TPRG1: variants seen among roughly 807,000 people sequenced by gnomAD.
The protein encoded by TPRG1 is tumor protein p63 regulated 1.
TPRG1 carries 29 observed loss-of-function variants against 29.3 expected under a neutral mutation model. That is an observed-to-expected ratio of 0.99 (90% CI 0.74 to 1.35). The LOEUF is 1.35. Among genes scored for constraint, TPRG1 ranks in the 40% most tolerant of loss-of-function variants. TPRG1 has a pLI of 0.00. For synonymous variants in TPRG1, 130 were observed against 116.8 expected, an observed-to-expected ratio of 1.11 and a Z score of -0.73; for missense variants, 327 against 335.0, an observed-to-expected ratio of 0.98 and a Z score of 0.19.
upstream of TPRG1, among the ~76,000 whole-genome samples, chr3:189,099,378 C>T (rs1718917118): frequency 6.6e-6 from 1 of 151,922 alleles, no homozygotes; most frequent in Admixed American, 6.6e-5. Context: ...AAATGGCACC[C>T]CTTGGGGAAT....
At chr3:189,232,518 C>T (rs964564773) in intron 3 of TPRG1, among the ~76,000 whole-genome samples, 1 of 152,170 alleles carries the variant, frequency 6.6e-6, no homozygotes, top group East Asian at 1.9e-4. Context: ...TGTCAAGCCT[C>T]GTTACACCAC....
intron 3 of TPRG1, among the ~76,000 whole-genome samples, chr3:189,137,810 G>A (rs1011539936): frequency 1.3e-5 from 2 of 152,120 alleles, no homozygotes; most frequent in African/African-American, 4.8e-5. Context: ...TTGGTTGGTG[G>A]ATGGGTAGAA....
intron 4 of TPRG1, among the ~76,000 whole-genome samples, chr3:189,243,469 C>T (rs1440325790): frequency 6.6e-6 from 1 of 152,188 alleles, no homozygotes; most frequent in Non-Finnish European, 1.5e-5. Flanking sequence ...TCCCTATTGT[C>T]CTGGCTATGA....
At chr3:189,114,188 C>G (rs1048239050) in intron 1 of TPRG1, among the ~76,000 whole-genome samples, 21 of 152,152 alleles carry the variant, frequency 1.4e-4, no homozygotes, top group African/African-American at 4.6e-4. Context: ...GTCTCCAGCT[C>G]TAGAGCAATC....
chr3:189,294,963 A>T (rs1017859150), intron 4 of TPRG1, among the ~76,000 whole-genome samples: 1 of 152,180 alleles, frequency 6.6e-6, no homozygotes, highest in African/African-American at 2.4e-5. Context: ...TTAACTCCTC[A>T]TTTACATAAG....
chr3:189,047,124 A>G (rs1289164005), intron 4 of TPRG1, among the ~76,000 whole-genome samples: 5 of 152,208 alleles, frequency 3.3e-5, no homozygotes, highest in Admixed American at 3.3e-4. Flanking sequence ...ATGCCAAAGT[A>G]AGAGATATAT....
intron 3 of TPRG1, among the ~76,000 whole-genome samples, chr3:189,020,480 C>T (rs1405256042): frequency 6.7e-5 from 10 of 150,042 alleles, no homozygotes; most frequent in Non-Finnish European, 9.0e-5. Flanking sequence ...GCCTTCATTT[C>T]GTTATGTACC....
intron 1 of TPRG1, among the ~76,000 whole-genome samples, chr3:189,116,321 C>T (rs939781349): frequency 5.3e-5 from 8 of 151,836 alleles, no homozygotes; most frequent in South Asian, 2.1e-4. Flanking sequence ...GGATTGCAGG[C>T]GTCCACCACC....
chr3:189,172,002 G>A lies in TPRG1; in HGVS notation c.-139G>A, dbSNP rs1259057793. On this transcript the variant is annotated 5_prime_UTR_variant, in exon 1 of 6. Coordinates refer to ENST00000345063, the MANE Select transcript of TPRG1 (RefSeq NM_198485.4). ...GGTGAAGTGAGATTCAGACTGAGTG[G>A]GGTCACAGCACAGGGCACTGTCTTG... 1 of 152,164 alleles carries A rather than the reference G, an allele frequency of 6.6e-6. No individual in the cohort carries two copies. The highest frequency in any genetic ancestry group is 1.5e-5 in the Non-Finnish European group (1 of 68,080). 9.4% of individuals were successfully genotyped at this position (152,164 alleles called of 1,614,324 possible). A position where few individuals can be genotyped will look rare whatever the true frequency, so the allele number is the denominator to read the frequency against.
At chr3:189,206,848 CGTGT>C (rs1436970579) in intron 1 of TPRG1, among the ~76,000 whole-genome samples, 2 of 125,550 alleles carry the variant, frequency 1.6e-5, no homozygotes, top group Non-Finnish European at 3.2e-5. Flanking sequence ...TATGCATGTG[CGTGT>C]GTGTGAGTCT....
At chr3:189,015,955 G>A (rs952742819) in intron 3 of TPRG1, among the ~76,000 whole-genome samples, 2 of 152,148 alleles carry the variant, frequency 1.3e-5, no homozygotes, top group African/African-American at 4.8e-5. Context: ...CCCACACAGA[G>A]TCTCCACTAA....
At chr3:189,021,599 C>G (rs1235177843) in intron 3 of TPRG1, among the ~76,000 whole-genome samples, 3 of 152,190 alleles carry the variant, frequency 2.0e-5, no homozygotes, top group African/African-American at 4.8e-5. Context: ...GCCGAGAGAT[C>G]TGCTGTTAGT....
chr3:189,245,588 G>A (rs1006069788), intron 4 of TPRG1, among the ~76,000 whole-genome samples: 4 of 151,832 alleles, frequency 2.6e-5, no homozygotes, highest in South Asian at 2.1e-4. Flanking sequence ...TGATACTTTC[G>A]GATTTGTTTT....
At chr3:189,145,259 G>A (rs1725094391) in intron 3 of TPRG1, among the ~76,000 whole-genome samples, 1 of 151,084 alleles carries the variant, frequency 6.6e-6, no homozygotes, top group Non-Finnish European at 1.5e-5. Flanking sequence ...CTACTCAGGA[G>A]GCTGAGGCAG....
At chr3:189,301,020 G>C (rs1720738445) in intron 4 of TPRG1, among the ~76,000 whole-genome samples, 1 of 152,094 alleles carries the variant, frequency 6.6e-6, no homozygotes, top group Non-Finnish European at 1.5e-5. Flanking sequence ...TTTGTGTGCT[G>C]GGCACGGTGG....
intron 2 of TPRG1, among the ~76,000 whole-genome samples, chr3:189,210,154 A>G (rs1344578428): frequency 6.6e-6 from 1 of 152,170 alleles, no homozygotes; most frequent in Non-Finnish European, 1.5e-5. Flanking sequence ...TATTGGATGT[A>G]TATGCATATA....
intron 4 of TPRG1, among the ~76,000 whole-genome samples, chr3:189,065,315 A>G (rs998170907): frequency 1.3e-5 from 2 of 152,196 alleles, no homozygotes; most frequent in African/African-American, 2.4e-5. Flanking sequence ...TTATTACCTT[A>G]TTTTATGAGA....
intron 3 of TPRG1, among the ~76,000 whole-genome samples, chr3:189,143,535 A>G (rs1293724968): frequency 6.6e-6 from 1 of 152,176 alleles, no homozygotes; most frequent in Non-Finnish European, 1.5e-5. Context: ...CTGCTCCAAT[A>G]CTGTGTGAGT....
intron 3 of TPRG1, among the ~76,000 whole-genome samples, chr3:189,020,148 G>T (rs1421634906): frequency 2.0e-5 from 3 of 151,572 alleles, no homozygotes; most frequent in African/African-American, 7.3e-5. Flanking sequence ...CTTGCTAGCG[G>T]TCTATCTATT....
Sources: allele counts gnomAD v4.1 joint callset (sites outside exome capture counted in the v4.1 genomes callset), GRCh38; gene constraint gnomAD v4.1.1; transcripts MANE v1.5; gene names NCBI Gene and HGNC (gene_info 2026-07-23, HGNC 2026-07-21).